Variants in SMYD3 observed in about 807,000 individuals in gnomAD.
The protein encoded by SMYD3 is histone-lysine N-methyltransferase SMYD3.
Under a neutral mutation model 57.7 loss-of-function variants are expected in SMYD3, and 36 were observed. The observed-to-expected ratio is 0.62, with a 90% CI of 0.48 to 0.82. The LOEUF (loss-of-function observed/expected upper bound fraction) is 0.82, where lower values mean the gene tolerates loss of function less well. Ranked by LOEUF, SMYD3 falls within the 40% of genes least tolerant of loss-of-function variation. The pLI, the probability that SMYD3 is intolerant of heterozygous loss-of-function variation, is 0.00. For synonymous variants in SMYD3, 211 were observed against 195.0 expected (o/e 1.08, Z -0.68); for missense variants, 515 against 538.8 (o/e 0.96, Z 0.44).
At chr1:245,987,214 CT>C (rs1397901326) in intron 5 of SMYD3, among the ~76,000 whole-genome samples, 2 of 152,238 alleles carry the variant, frequency 1.3e-5, no homozygotes, top group Non-Finnish European at 2.9e-5. Context: ...TAATCAGCCA[CT>C]GATCAATTTC....
intron 5 of SMYD3, among the ~76,000 whole-genome samples, chr1:246,036,538 TC>T (rs2059774625): frequency 1.0e-5 from 1 of 97,996 alleles, no homozygotes; most frequent in African/African-American, 7.9e-5. Context: ...CTTCTTTCTC[TC>T]TTTTTTTTTT....
intron 2 of SMYD3, among the ~76,000 whole-genome samples, chr1:246,349,830 C>A (rs1317914099): frequency 6.6e-6 from 1 of 151,972 alleles, no homozygotes; most frequent in African/African-American, 2.4e-5. Context: ...TCAACTGAAA[C>A]CACAAAAGGC....
intron 10 of SMYD3, among the ~76,000 whole-genome samples, chr1:245,841,356 G>T (rs1038238990): frequency 1.3e-5 from 2 of 152,018 alleles, no homozygotes; most frequent in Non-Finnish European, 2.9e-5. Flanking sequence ...GACTACTTCT[G>T]GTTTCTTTTG....
intron 2 of SMYD3, among the ~76,000 whole-genome samples, chr1:246,336,652 A>G (rs2148674226): frequency 6.6e-6 from 1 of 152,370 alleles, no homozygotes; most frequent in East Asian, 1.9e-4. Flanking sequence ...TACTAGATAC[A>G]TGGCTAAGCA....
intron 5 of SMYD3, among the ~76,000 whole-genome samples, chr1:245,935,163 G>C (rs1217179672): frequency 6.6e-6 from 1 of 152,194 alleles, no homozygotes; most frequent in East Asian, 1.9e-4. Flanking sequence ...CAACGGATAA[G>C]AGGTTAATAC....
intron 1 of SMYD3, among the ~76,000 whole-genome samples, chr1:246,459,313 T>G (rs1346376407): frequency 3.3e-5 from 5 of 150,274 alleles, no homozygotes; most frequent in African/African-American, 1.3e-4. Flanking sequence ...TGCTCTGCTG[T>G]TCTCATGATA....
chr1:246,410,534 G>A (rs909679922), intron 1 of SMYD3, among the ~76,000 whole-genome samples: 10 of 152,154 alleles, frequency 6.6e-5, no homozygotes, highest in South Asian at 2.1e-4. Flanking sequence ...CTTGATCATG[G>A]TAGATAAGCT....
At chr1:246,494,072 T>C (rs552842081) in intron 1 of SMYD3, among the ~76,000 whole-genome samples, 1 of 152,236 alleles carries the variant, frequency 6.6e-6, no homozygotes, top group African/African-American at 2.4e-5. Flanking sequence ...ATCACAAAAT[T>C]CACCCAAATC....
chr1:245,800,213 C>A (rs147532663), intron 10 of SMYD3, among the ~76,000 whole-genome samples: 1 of 152,108 alleles, frequency 6.6e-6, no homozygotes, highest in Non-Finnish European at 1.5e-5. Context: ...CCAGCCCCTC[C>A]GGTAGTTCAC....
chr1:245,817,392 T>A (rs1572423767), intron 10 of SMYD3, among the ~76,000 whole-genome samples: 1 of 147,944 alleles, frequency 6.8e-6, no homozygotes, highest in Non-Finnish European at 1.5e-5. Context: ...CAAAAACCCA[T>A]CTGTACATCA....
chr1:246,125,802 T>C (rs758507797), intron 5 of SMYD3, among the ~76,000 whole-genome samples: 1 of 152,072 alleles, frequency 6.6e-6, no homozygotes, highest in Non-Finnish European at 1.5e-5. Context: ...CTATGAACCT[T>C]AGATAACGAC....
chr1:245,848,903 T>A (rs1399405885), intron 10 of SMYD3, among the ~76,000 whole-genome samples: 1 of 152,132 alleles, frequency 6.6e-6, no homozygotes, highest in East Asian at 1.9e-4. Context: ...AGAAAGTATA[T>A]GAGCCAGAAT....
At chr1:246,045,339 C>A (rs1347044030) in intron 5 of SMYD3, among the ~76,000 whole-genome samples, 1 of 152,128 alleles carries the variant, frequency 6.6e-6, no homozygotes, top group Admixed American at 6.5e-5. Flanking sequence ...ATATCTACAA[C>A]TATCTCATCT....
intron 5 of SMYD3, among the ~76,000 whole-genome samples, chr1:246,323,488 A>C (rs2065284485): frequency 6.6e-6 from 1 of 152,220 alleles, no homozygotes; most frequent in African/African-American, 2.4e-5. Flanking sequence ...CAGTGTTCAA[A>C]ATACAAACTG....
At chr1:245,904,585 C>T (rs1019808140) in intron 8 of SMYD3, among the ~76,000 whole-genome samples, 2 of 152,156 alleles carry the variant, frequency 1.3e-5, no homozygotes, top group Admixed American at 6.5e-5. Flanking sequence ...CCCAGAGGTC[C>T]GAACTTGAGT....
intron 5 of SMYD3, among the ~76,000 whole-genome samples, chr1:246,282,998 C>A (rs1020686089): frequency 6.6e-6 from 1 of 152,266 alleles, no homozygotes; most frequent in South Asian, 2.1e-4. Context: ...TCAGAGTGAT[C>A]GGAATTTAAC....
intron 10 of SMYD3, among the ~76,000 whole-genome samples, chr1:245,833,421 C>T (rs1245842318): frequency 6.6e-6 from 1 of 152,312 alleles, no homozygotes; most frequent in East Asian, 1.9e-4. Flanking sequence ...AGTCTTGAAG[C>T]GTCCTGGCCA....
At chr1:246,326,196 T>C in intron 5 of SMYD3, 1 of 446,130 alleles carries the variant, frequency 2.2e-6, no homozygotes, top group Non-Finnish European at 4.0e-6. Context: ...TCTTCAAACG[T>C]GTGCTTACAA....
intron 8 of SMYD3, among the ~76,000 whole-genome samples, chr1:245,892,790 C>G (rs137919650): frequency 6.6e-6 from 1 of 152,164 alleles, no homozygotes. Flanking sequence ...ATATGAAACA[C>G]AGAAGAAATA....
Sources: gnomAD v4.1 joint callset for allele counts (sites outside exome capture counted in the v4.1 genomes callset) on GRCh38, gnomAD v4.1.1 for gene constraint, MANE v1.5 for transcripts, NCBI Gene and HGNC (gene_info 2026-07-23, HGNC 2026-07-21) for gene names.